Variants in FAM20A observed in about 807,000 individuals in gnomAD.
FAM20A encodes the protein pseudokinase FAM20A.
Under a neutral mutation model 52.0 loss-of-function variants are expected in FAM20A, and 42 were observed. The observed-to-expected ratio is 0.81, with a 90% CI of 0.63 to 1.04. FAM20A has a LOEUF of 1.04. FAM20A is among the 50% of genes least tolerant of loss of function. FAM20A has a pLI of 0.00. For missense variants in FAM20A, 742 were observed against 712.7 expected (o/e 1.04, Z -0.47); for synonymous variants, 304 against 298.9 (o/e 1.02, Z -0.18).
chr17:68,543,578 C>A (rs778193617), intron 5 of FAM20A, 51 bp downstream of exon 5: 1 of 1,539,770 alleles, frequency 6.5e-7, no homozygotes, highest in East Asian at 2.2e-5. Context: ...CCACCCCTCC[C>A]AGAGGATTGG....
At chr17:68,538,693 T>C (rs2086167933) in intron 10 of FAM20A, among the ~76,000 whole-genome samples, 1 of 152,240 alleles carries the variant, frequency 6.6e-6, no homozygotes, top group Non-Finnish European at 1.5e-5. Flanking sequence ...ATATGAATGC[T>C]GGGCAAAGCA....
rs1422035858 is a variant in FAM20A, at chr17:68,537,753, A to C, written c.1362-12T>G. 1 of 1,605,282 alleles carries C rather than the reference A, an allele frequency of 6.2e-7. No individual in the cohort carries two copies. Among genetic ancestry groups the C allele is most frequent in the Admixed American group, 1.7e-5 (1 of 58,898 alleles). ...TTTTCTTTTTTATCCTGAAAAGACA[A>C]AGTTACAGGAACCAAATAAGCAAAT... On this transcript the variant is annotated splice_polypyrimidine_tract_variant and intron_variant, in intron 10 of 10. Coordinates refer to ENST00000592554, the MANE Select transcript of FAM20A (RefSeq NM_017565.4). The surrounding 1 kb of genome is among the most constrained non-coding windows in gnomAD (Gnocchi z 4.2).
chr17:68,545,364 AT>A (rs1305342441), intron 4 of FAM20A, among the ~76,000 whole-genome samples: 1 of 152,260 alleles, frequency 6.6e-6, no homozygotes, highest in Non-Finnish European at 1.5e-5. Context: ...TGAAGCAAAT[AT>A]GGCAATAAAG....
intron 1 of FAM20A, chr17:68,558,378 T>G (rs1314979760): frequency 6.8e-6 from 3 of 442,010 alleles, no homozygotes; most frequent in Non-Finnish European, 9.1e-6. Flanking sequence ...CATGTTGAAA[T>G]GTAGTCCCCA....
At chr17:68,591,219 G>A (rs758803522) in intron 1 of FAM20A, among the ~76,000 whole-genome samples, 6 of 152,094 alleles carry the variant, frequency 3.9e-5, no homozygotes, top group Non-Finnish European at 7.4e-5. Flanking sequence ...CCATTCTCCT[G>A]CCTCAGCCTC....
Position 68,600,888 on chromosome 17 carries a change from C to T in FAM20A, c.-222G>A, listed in dbSNP as rs2143968619. On this transcript the variant is annotated 5_prime_UTR_variant, in exon 1 of 11. Transcript: ENST00000592554. The surrounding 1 kb of genome is among the most constrained non-coding windows in gnomAD (Gnocchi z 6.2). ...CACCGGGGCTCTCGGAGTCAGCGGG[C>T]GTCGCTTCTCCGCGCCGAGTGAGCC... 2.0e-6 allele frequency: 1 copy of T among 502,748 alleles called. No individual in the cohort carries two copies. Among genetic ancestry groups the T allele is most frequent in the Non-Finnish European group, 3.4e-6 (1 of 291,020 alleles). 31.1% of individuals were successfully genotyped at this position (502,748 alleles called of 1,614,324 possible).
At chr17:68,561,996 G>C (rs1049286677) in intron 1 of FAM20A, among the ~76,000 whole-genome samples, 2 of 152,108 alleles carry the variant, frequency 1.3e-5, no homozygotes, top group Non-Finnish European at 2.9e-5. Flanking sequence ...GCTAAGTTTT[G>C]TTTTTTCAGT....
Position 68,537,493 on chromosome 17 carries a change from G to A in FAM20A, c.1610C>T (p.Ala537Val), listed in dbSNP as rs143893081. The A allele has an allele frequency of 5.6e-5, 90 of 1,613,870 alleles. No individual in the cohort carries two copies. Among genetic ancestry groups the A allele is most frequent in the Non-Finnish European group, 6.8e-6 (8 of 1,180,006 alleles). Residue 537 changes from alanine to valine, a missense_variant, in exon 11 of 11, where the codon GCT becomes GTT. Ala to Val is a moderately conservative substitution (Grantham distance 64). Coordinates refer to ENST00000592554, the MANE Select transcript of FAM20A (RefSeq NM_017565.4). The surrounding 1 kb of genome is among the most constrained non-coding windows in gnomAD (Gnocchi z 4.2). Reference sequence around the variant, plus strand: ...TGCCAGCCCTTAGCTTGTCAAGTTAGCCTGGCCAGAGTCTGGGGCCAACTG... The same window carrying A: ...TGCCAGCCCTTAGCTTGTCAAGTTAACCTGGCCAGAGTCTGGGGCCAACTG... ...VEQLAPDSGQ[A>V]NLTS is the part of the protein sequence containing the mutation.
intron 1 of FAM20A, among the ~76,000 whole-genome samples, chr17:68,580,422 G>A (rs1476659913): frequency 6.6e-6 from 1 of 152,198 alleles, no homozygotes; most frequent in African/African-American, 2.4e-5. Flanking sequence ...AAATACAATT[G>A]CTTCCTCTTC....
At chr17:68,545,654 A>G (rs1001132028) in intron 4 of FAM20A, among the ~76,000 whole-genome samples, 2 of 152,338 alleles carry the variant, frequency 1.3e-5, no homozygotes, top group Middle Eastern at 3.4e-3. Flanking sequence ...TCGATTCACA[A>G]AAGATGTATC....
chr17:68,594,552 A>T (rs2088402422), intron 1 of FAM20A, among the ~76,000 whole-genome samples: 1 of 152,092 alleles, frequency 6.6e-6, no homozygotes, highest in Admixed American at 6.5e-5. Context: ...TTGCACAGGG[A>T]CTTAGCTGAA....
intron 1 of FAM20A, among the ~76,000 whole-genome samples, chr17:68,559,574 A>T (rs1018352036): frequency 1.3e-5 from 2 of 152,224 alleles, no homozygotes; most frequent in African/African-American, 4.8e-5. Context: ...TTTTCCTTGG[A>T]AATAGTTTCC....
intron 1 of FAM20A, among the ~76,000 whole-genome samples, chr17:68,558,162 C>T (rs774241879): frequency 4.6e-5 from 7 of 152,124 alleles, no homozygotes; most frequent in Non-Finnish European, 7.4e-5. Flanking sequence ...CCATGAGGAG[C>T]TGAGAATGCT....
intron 8 of FAM20A, 164 bp downstream of exon 8, chr17:68,540,685 G>T: frequency 1.2e-6 from 1 of 861,532 alleles, no homozygotes; most frequent in South Asian, 1.4e-5. Context: ...AGGGGAGCCT[G>T]TTACCTTCTG....
intron 1 of FAM20A, among the ~76,000 whole-genome samples, chr17:68,571,952 GTGTGTGTGTATATATA>G (rs2087549490): frequency 2.9e-5 from 4 of 140,168 alleles, no homozygotes; most frequent in Admixed American, 7.1e-5. Flanking sequence ...ATATATATGT[GTGTGTGTGTATATATA>G]TGTGTGTGTA....
At chr17:68,544,919 T>G (rs1043393098) in intron 4 of FAM20A, among the ~76,000 whole-genome samples, 3 of 152,214 alleles carry the variant, frequency 2.0e-5, no homozygotes, top group Non-Finnish European at 2.9e-5. Flanking sequence ...ATTCAAAGGT[T>G]GTTTTTACTT....
At position 68,600,204 on chromosome 17, in the gene FAM20A, G is replaced by A. The variant is rs2088574559; in HGVS notation, c.404+59C>T. On this transcript the variant is annotated intron_variant, in intron 1 of 10. Transcript: ENST00000592554. This position sits in a 1 kb window ranked among gnomAD's most constrained non-coding sequence, Gnocchi z 6.2. The stretch of plus-strand genomic sequence containing the variant: ...GGGGCGTCAGGAAACTCGAGACTGG[G>A]GCGCGGGGAGGCCCCGGCCAGAGCG... 2.6e-6 allele frequency: 4 copies of A among 1,533,812 alleles called. No individual in the cohort carries two copies. The highest frequency in any genetic ancestry group is 3.5e-6 in the Non-Finnish European group (4 of 1,139,892).
At position 68,600,057 on chromosome 17, in the gene FAM20A, C is replaced by T. The variant is rs1825283591; in HGVS notation, c.404+206G>A. Among the ~76,000 whole-genome samples, 1 of 152,206 alleles carries T rather than the reference C, an allele frequency of 6.6e-6. No homozygotes were observed. Among genetic ancestry groups the T allele is most frequent in the Non-Finnish European group, 1.5e-5 (1 of 68,030 alleles). On this transcript the variant is annotated intron_variant, in intron 1 of 10. Transcript: ENST00000592554. This position sits in a 1 kb window ranked among gnomAD's most constrained non-coding sequence, Gnocchi z 6.2. ...CTGCAATAGAAACTTTTTCCTCGTA[C>T]TATCTGACTCCGGGACTGGACTGTG... is the stretch of plus-strand genomic sequence containing the variant.
chr17:68,558,459 C>T (rs1003943635), intron 1 of FAM20A: 2 of 286,774 alleles, frequency 7.0e-6, no homozygotes, highest in African/African-American at 2.2e-5. Context: ...GGCTTAGCAC[C>T]GTCTCCTTGG....
Sources: allele counts gnomAD v4.1 joint callset (sites outside exome capture counted in the v4.1 genomes callset), GRCh38; gene constraint gnomAD v4.1.1; non-coding constraint Gnocchi (gnomAD v3.1); transcripts MANE v1.5; gene names NCBI Gene and HGNC (gene_info 2026-07-23, HGNC 2026-07-21).